Variants in PTPN4 observed in about 807,000 individuals in gnomAD.
The protein encoded by PTPN4 is protein tyrosine phosphatase non-receptor type 4.
PTPN4 carries 49 observed loss-of-function variants against 135.5 expected under a neutral mutation model. The ratio of observed to expected loss-of-function variants is 0.36; its 90% CI spans 0.29 to 0.46. PTPN4 has a LOEUF of 0.46. Among genes scored for constraint, PTPN4 ranks in the 20% least tolerant of loss-of-function variants. PTPN4 has a pLI of 1.00. For synonymous variants in PTPN4, 333 were observed against 369.9 expected (o/e 0.90, Z 1.14); for missense variants, 860 against 1,101.0 (o/e 0.78, Z 3.10).
rs1036934509 is a variant in PTPN4, at chr2:119,890,777, C to A, written c.675+4895C>A. Among the ~76,000 whole-genome samples the A allele has an allele frequency of 3.3e-5, 5 of 152,104 alleles. No homozygotes were observed. The South Asian group carries it at 6.2e-4, about 19-fold the overall frequency. ...CTTGAGCATATCTTACAGAACTGAT[C>A]TAGTGGTATAGAATTCCCACAGGAT... On this transcript the variant is annotated intron_variant, in intron 9 of 26. Coordinates refer to ENST00000263708, the MANE Select transcript of PTPN4 (RefSeq NM_002830.4).
chr2:119,837,854 C>G (rs1252939099), intron 2 of PTPN4, among the ~76,000 whole-genome samples: 1 of 152,232 alleles, frequency 6.6e-6, no homozygotes, highest in Non-Finnish European at 1.5e-5. Flanking sequence ...ACATCTGGTC[C>G]AGCCACAGCC....
At chr2:119,769,115 T>C (rs1312966788) in intron 1 of PTPN4, among the ~76,000 whole-genome samples, 5 of 152,136 alleles carry the variant, frequency 3.3e-5, no homozygotes, top group Non-Finnish European at 7.3e-5. Context: ...CTGACAGAGC[T>C]CCTAACTACC....
chr2:119,912,259 C>T (rs180762119), intron 10 of PTPN4, among the ~76,000 whole-genome samples: 89 of 152,184 alleles, frequency 5.8e-4, no homozygotes, highest in Non-Finnish European at 1.0e-3. Context: ...TCAGTGGTTA[C>T]GTAGGCGGGA....
At chr2:119,946,700 G>A in intron 18 of PTPN4, 126 bp downstream of exon 18, 1 of 763,160 alleles carries the variant, frequency 1.3e-6, no homozygotes, top group Non-Finnish European at 2.1e-6. Context: ...GTCAAATGTT[G>A]GCTGAATCTC....
intron 2 of PTPN4, among the ~76,000 whole-genome samples, chr2:119,853,949 G>A (rs1677634531): frequency 1.3e-5 from 2 of 151,898 alleles, no homozygotes; most frequent in South Asian, 4.1e-4. Context: ...TAATAAGAAA[G>A]AAGGAAAAGG....
At chr2:119,834,137 CATCACCTTGAGT>C (rs1245514632) in intron 2 of PTPN4, among the ~76,000 whole-genome samples, 1 of 152,116 alleles carries the variant, frequency 6.6e-6, no homozygotes, top group African/African-American at 2.4e-5. Flanking sequence ...TTAGAGTATC[CATCACCTTGAGT>C]ATTTATCATT....
intron 2 of PTPN4, among the ~76,000 whole-genome samples, chr2:119,833,906 G>C (rs1013511761): frequency 2.6e-5 from 4 of 152,128 alleles, no homozygotes; most frequent in Admixed American, 2.0e-4. Flanking sequence ...GGCTTTCACT[G>C]GGAAAGACTT....
intron 10 of PTPN4, among the ~76,000 whole-genome samples, chr2:119,914,326 C>T (rs193004674): frequency 8.2e-4 from 108 of 131,702 alleles, no homozygotes; most frequent in African/African-American, 3.0e-3. Context: ...TTTCCCATGT[C>T]GAGTGAAAGC....
At chr2:119,818,715 A>T (rs555497474) in intron 2 of PTPN4, among the ~76,000 whole-genome samples, 4 of 152,358 alleles carry the variant, frequency 2.6e-5, no homozygotes, top group Admixed American at 2.6e-4. Flanking sequence ...TCTAAATAAT[A>T]GTGAATTATA....
intron 26 of PTPN4, among the ~76,000 whole-genome samples, chr2:119,970,624 A>T (rs1483649796): frequency 1.3e-5 from 2 of 152,200 alleles, no homozygotes; most frequent in African/African-American, 2.4e-5. Flanking sequence ...GTACTGCAGT[A>T]TGTATTATTA....
At chr2:119,853,718 A>G (rs1558745609) in intron 2 of PTPN4, among the ~76,000 whole-genome samples, 1 of 152,178 alleles carries the variant, frequency 6.6e-6, no homozygotes, top group Non-Finnish European at 1.5e-5. Flanking sequence ...ATTCTTAAAG[A>G]GAAGAATAGG....
At chr2:119,795,587 G>A (rs139840711) in intron 1 of PTPN4, among the ~76,000 whole-genome samples, 73 of 152,380 alleles carry the variant, frequency 4.8e-4, no homozygotes, top group Admixed American at 7.8e-4. Flanking sequence ...CGGAGCTGGC[G>A]TTGACAACAG....
intron 1 of PTPN4, among the ~76,000 whole-genome samples, chr2:119,785,781 A>G (rs1324215174): frequency 6.6e-6 from 1 of 152,030 alleles, no homozygotes; most frequent in Non-Finnish European, 1.5e-5. Context: ...CACACGTGTG[A>G]GCAATCAGAG....
chr2:119,877,158 T>A (rs968796585), intron 3 of PTPN4, among the ~76,000 whole-genome samples, 165 bp from the exon 4 acceptor site: 8 of 151,768 alleles, frequency 5.3e-5, no homozygotes, highest in Admixed American at 4.6e-4. Context: ...TTTTATTACA[T>A]TTGATATGAA....
At chr2:119,901,082 C>G (rs1678396388) in intron 10 of PTPN4, among the ~76,000 whole-genome samples, 1 of 152,140 alleles carries the variant, frequency 6.6e-6, no homozygotes. Context: ...GATTTGCCCC[C>G]AGGGCAAATT....
chr2:119,866,113 A>T (rs1295065324), intron 3 of PTPN4, among the ~76,000 whole-genome samples: 1 of 152,078 alleles, frequency 6.6e-6, no homozygotes, highest in Non-Finnish European at 1.5e-5. Context: ...AATGAGGAAA[A>T]TAATATTGTG....
At chr2:119,816,132 A>G (rs147788996) in intron 2 of PTPN4, among the ~76,000 whole-genome samples, 11 of 152,320 alleles carry the variant, frequency 7.2e-5, no homozygotes, top group African/African-American at 2.6e-4. Flanking sequence ...CCTAGGATAT[A>G]TGGTATGGCC....
intron 2 of PTPN4, among the ~76,000 whole-genome samples, chr2:119,816,578 C>T (rs879859837): frequency 5.3e-5 from 8 of 152,086 alleles, no homozygotes; most frequent in Admixed American, 2.0e-4. Context: ...TGCATTGTAA[C>T]ATATCATGAA....
At position 119,862,088 on chromosome 2, in the gene PTPN4, T is replaced by A. The variant is rs1677768163; in HGVS notation, c.139-448T>A. Among the ~76,000 whole-genome samples the A allele has an allele frequency of 2.0e-5, 3 of 152,214 alleles. No individual in the cohort carries two copies. The South Asian group carries it at 6.2e-4, about 32-fold the overall frequency. ...AAAAGGCATAACAAAATGATATAGA[T>A]ATATGCATGAGTTAATGTGGCAATA... On this transcript the variant is annotated intron_variant, in intron 2 of 26. Transcript: ENST00000263708.
Sources: allele counts gnomAD v4.1 joint callset (sites outside exome capture counted in the v4.1 genomes callset), GRCh38; gene constraint gnomAD v4.1.1; transcripts MANE v1.5; gene names NCBI Gene and HGNC (gene_info 2026-07-23, HGNC 2026-07-21).